KRT76: variants seen among roughly 807,000 people sequenced by gnomAD.
KRT76 encodes keratin, type II cytoskeletal 2 oral.
KRT76 carries 47 observed loss-of-function variants against 44.9 expected under a neutral mutation model. That is an observed-to-expected ratio of 1.05 (90% confidence interval 0.83 to 1.33). The LOEUF (loss-of-function observed/expected upper bound fraction) is 1.33. Among genes scored for constraint, KRT76 ranks in the 40% most tolerant of loss-of-function variants. The pLI is 0.00. For missense variants in KRT76, 860 were observed against 775.8 expected (o/e 1.11, Z -1.29); for synonymous variants, 331 against 294.1 (o/e 1.13, Z -1.28).
chr12:52,769,206 C>T (rs1939142047), intron 8 of KRT76, 96 bp from the exon 9 acceptor site: 4 of 618,908 alleles, frequency 6.5e-6, no homozygotes, highest in South Asian at 3.9e-5. Context: ...CATGTGACTT[C>T]GAGAAAGATG....
chr12:52,773,470 A>G lies in KRT76; in HGVS notation c.876+112T>C, dbSNP rs76112507. 171 of 677,776 alleles carry G rather than the reference A, an allele frequency of 2.5e-4. 2 individuals carry two copies. The African/African-American group carries it at 2.9e-3, about 11-fold the overall frequency. 42.0% of individuals were successfully genotyped at this position (677,776 alleles called of 1,614,324 possible). On this transcript the variant is annotated intron_variant, in intron 3 of 8. Transcript: ENST00000332411. ...TCCAAAAATGTAAGGAAAAGTGTCA[A>G]TCCCACACACAATATAAGGTCCCTG...
At position 52,772,200 on chromosome 12, in the gene KRT76, T is replaced by C; in HGVS notation, c.1031A>G (p.Asn344Ser). Residue 344 changes from asparagine to serine, a missense_variant, in exon 5 of 9, where the codon AAC becomes AGC. Coordinates refer to ENST00000332411, the MANE Select transcript of KRT76 (RefSeq NM_015848.4). Reference sequence around the variant, plus strand: ...GCTGCCCAGGTCCAGGCAGCGGTTGTTGTCCATGGACAGAACCACAGACGT... The same window carrying C: ...GCTGCCCAGGTCCAGGCAGCGGTTGCTGTCCATGGACAGAACCACAGACGT... ...SDTSVVLSMDNNRCLDLGSII... is the reference protein window; with the variant it reads ...SDTSVVLSMDSNRCLDLGSII... The C allele has an allele frequency of 3.1e-6, 5 of 1,613,432 alleles. No individual in the cohort carries two copies. The highest frequency in any genetic ancestry group is 4.2e-6 in the Non-Finnish European group (5 of 1,179,590).
At position 52,776,742 on chromosome 12, in the gene KRT76, G is replaced by T; in HGVS notation, c.550C>A (p.Arg184=). The T allele has an allele frequency of 6.2e-7, 1 of 1,614,094 alleles. No homozygotes were observed. The highest frequency in any genetic ancestry group is 8.5e-7 in the Non-Finnish European group (1 of 1,180,036). Residue 184 remains arginine, a synonymous_variant, in exon 1 of 9, where the codon CGG becomes AGG. Transcript: ENST00000332411. ...PQIGQVKAQE[R]EQIKTLNNKF... Reference sequence around the variant, plus strand: ...TTGTTGAGGGTCTTGATCTGTTCCCGCTCCTGGGCCTTTACTTGCCCAATC... The same window carrying T: ...TTGTTGAGGGTCTTGATCTGTTCCCTCTCCTGGGCCTTTACTTGCCCAATC...
intron 6 of KRT76, among the ~76,000 whole-genome samples, chr12:52,771,511 T>C (rs1439802095): frequency 6.6e-6 from 1 of 152,186 alleles, no homozygotes; most frequent in Non-Finnish European, 1.5e-5. Flanking sequence ...TTAAAAACTC[T>C]CTTGCCTAAT....
chr12:52,773,779 G>C (rs1939221875), intron 2 of KRT76, 137 bp from the exon 3 acceptor site: 1 of 549,496 alleles, frequency 1.8e-6, no homozygotes, highest in Admixed American at 3.0e-5. Flanking sequence ...CAGGACCCTG[G>C]GCTCAGGGTC....
chr12:52,776,429 C>G (rs1438686352), intron 1 of KRT76, among the ~76,000 whole-genome samples: 5 of 152,332 alleles, frequency 3.3e-5, no homozygotes, highest in Middle Eastern at 6.8e-3. Flanking sequence ...AAGCTAAGAG[C>G]ATGTTTGGAC....
Position 52,775,552 on chromosome 12 carries a change from C to A in KRT76, c.651G>T (p.Leu217=), listed in dbSNP as rs1325348295. ...QNKVLETKWE[L]LQQQTTGSGP... ...CTGAGCCTGTGGTCTGCTGCTGGAG[C>A]AGTTCCCACTTGGTCTCCAGGACCT... is the stretch of plus-strand genomic sequence containing the variant. Residue 217 remains leucine, a synonymous_variant, in exon 2 of 9, where the codon CTG becomes CTT. Coordinates refer to ENST00000332411, the MANE Select transcript of KRT76 (RefSeq NM_015848.4). 13 of 1,613,778 alleles carry A rather than the reference C, an allele frequency of 8.1e-6. No homozygotes were observed. The highest frequency in any genetic ancestry group is 5.0e-5 in the Admixed American group (3 of 60,014).
chr12:52,777,130 G>A lies in KRT76; in HGVS notation c.162C>T (p.Gly54=). Residue 54 remains glycine, a synonymous_variant, in exon 1 of 9, where the codon GGC becomes GGT. Coordinates refer to ENST00000332411, the MANE Select transcript of KRT76 (RefSeq NM_015848.4). ...CGFRSGAGSF[G]SRSLYNLGSN... is the part of the protein sequence containing the mutation. ...TGCCCAGGTTGTAGAGGCTGCGACT[G>A]CCAAAGCTGCCTGCTCCGCTCCTGA... is the stretch of plus-strand genomic sequence containing the variant. 6.2e-7 allele frequency: 1 copy of A among 1,614,184 alleles called. No homozygotes were observed. The highest frequency in any genetic ancestry group is 8.5e-7 in the Non-Finnish European group (1 of 1,180,040).
chr12:52,773,408 T>C (rs1307057900), intron 3 of KRT76, among the ~76,000 whole-genome samples, 174 bp downstream of exon 3: 2 of 152,162 alleles, frequency 1.3e-5, no homozygotes, highest in East Asian at 3.9e-4. Flanking sequence ...TCCATGGTAA[T>C]ATACTTAGAG....
At position 52,769,154 on chromosome 12, in the gene KRT76, A is replaced by G. The variant is rs1451535131; in HGVS notation, c.1520-44T>C. 7.6e-6 allele frequency: 5 copies of G among 661,554 alleles called. No homozygotes were observed. The South Asian group carries it at 8.6e-5, about 11-fold the overall frequency. 41.0% of individuals were successfully genotyped at this position (661,554 alleles called of 1,614,324 possible). A position where few individuals can be genotyped will look rare whatever the true frequency, so the allele number is the denominator to read the frequency against. Reference sequence around the variant, plus strand: ...ACAATTCAGGCAAAGGGCCTGGGAAACTGGAAGCCAAGGACTGTATTACAT... The same window carrying G: ...ACAATTCAGGCAAAGGGCCTGGGAAGCTGGAAGCCAAGGACTGTATTACAT... On this transcript the variant is annotated intron_variant, in intron 8 of 8. Transcript: ENST00000332411.
intron 7 of KRT76, among the ~76,000 whole-genome samples, chr12:52,770,291 G>T (rs774285409): frequency 6.6e-6 from 1 of 152,168 alleles, no homozygotes; most frequent in African/African-American, 2.4e-5. Flanking sequence ...TCCTCCATCA[G>T]ATTGGGAGCT....
chr12:52,769,462 C>G (rs954976406), intron 8 of KRT76, 87 bp downstream of exon 8: 2 of 1,141,710 alleles, frequency 1.8e-6, no homozygotes, highest in Non-Finnish European at 2.7e-6. Context: ...ATGGAACAGG[C>G]CTTCTTGCCT....
chr12:52,776,061 T>A (rs1349735788), intron 1 of KRT76, among the ~76,000 whole-genome samples: 1 of 152,134 alleles, frequency 6.6e-6, no homozygotes, highest in Non-Finnish European at 1.5e-5. Context: ...ATAAAGGCAG[T>A]GAATACAGTC....
Position 52,768,727 on chromosome 12 carries a change from TA to T in KRT76, c.1902del (p.His634GlnfsTer23). 1 of 1,595,176 alleles carries T rather than the reference TA, an allele frequency of 6.3e-7. No individual in the cohort carries two copies. The highest frequency in any genetic ancestry group is 8.6e-7 in the Non-Finnish European group (1 of 1,164,996). On this transcript the variant is annotated frameshift_variant, in exon 9 of 9. Transcript: ENST00000332411. LOFTEE classifies it high-confidence loss of function. ...RFSQTTSSSQ[H>X]SSTK is the part of the protein sequence containing the mutation. ...GGAACAGTAGATCACTTGGTGGAGC[TA>T]TGCTGGCTTGAGCTCGTGGTCTGGG... is the stretch of plus-strand genomic sequence containing the variant.
At position 52,776,705 on chromosome 12, in the gene KRT76, G is replaced by A. The variant is rs138159446; in HGVS notation, c.587C>T (p.Ser196Phe). 6.6e-4 allele frequency: 1,073 copies of A among 1,614,106 alleles called. 1 individual carries two copies. The highest frequency in any genetic ancestry group is 8.0e-4 in the Non-Finnish European group (941 of 1,180,024). ...CCTTGCCCTCACCTTGTCGATGAAG[G>A]AGGCAAACTTGTTGTTGAGGGTCTT... The part of the protein sequence containing the change: ...QIKTLNNKFA[S>F]FIDKVRFLEQ... The change falls in exon 1 of 9, where the codon TCC becomes TTC. Residue 196 changes from serine to phenylalanine, a missense_variant. Physicochemically the swap from Ser to Phe is radical, Grantham distance 155. Coordinates refer to ENST00000332411, the MANE Select transcript of KRT76 (RefSeq NM_015848.4).
At position 52,771,147 on chromosome 12, in the gene KRT76, T is replaced by C. The variant is rs1204697942; in HGVS notation, c.1336A>G (p.Lys446Glu). 6.2e-7 allele frequency: 1 copy of C among 1,614,064 alleles called. No individual in the cohort carries two copies. The highest frequency in any genetic ancestry group is 2.2e-5 in the East Asian group (1 of 44,886). The change falls in exon 7 of 9, where the codon AAG (lysine) becomes GAG (glutamate). Residue 446 changes from lysine to glutamate, a missense_variant. By Grantham distance (56) the Lys-to-Glu change is moderately conservative. Coordinates refer to ENST00000332411, the MANE Select transcript of KRT76 (RefSeq NM_015848.4). ...AGGGCAGTCTGCAAGTCTTGGAGCT[T>C]GGCATTGGCGTCCTTGAGGGCCATC... Reference protein sequence around the residue: ...GEMALKDANAKLQDLQTALQK... With the variant: ...GEMALKDANAELQDLQTALQK...
Position 52,769,562 on chromosome 12 carries a change from A to C in KRT76, c.1506T>G (p.Ser502Arg). The stretch of plus-strand genomic sequence containing the variant: ...TGGGCTACTTACAAATGCACACGGC[A>C]CTCTGACATTCTCCAGACATCCTGA... The part of the protein sequence containing the change: ...EECRMSGECQ[S>R]AVCISVVSNV... The change falls in exon 8 of 9, where the codon AGT becomes AGG. Residue 502 changes from serine (S) to arginine (R), a missense_variant. Ser to Arg is a moderately radical substitution (Grantham distance 110, BLOSUM62 -1). Coordinates refer to ENST00000332411, the MANE Select transcript of KRT76 (RefSeq NM_015848.4). 1 of 1,613,918 alleles carries C rather than the reference A, an allele frequency of 6.2e-7. No homozygotes were observed. The highest frequency in any genetic ancestry group is 8.5e-7 in the Non-Finnish European group (1 of 1,179,814).
rs757116734 is a variant in KRT76 at position 52,776,843 on chromosome 12, C to T, written c.449G>A (p.Gly150Asp). The change falls in exon 1 of 9, where the codon GGC becomes GAC. Residue 150 changes from glycine (G) to aspartate (D), a missense_variant. Coordinates refer to ENST00000332411, the MANE Select transcript of KRT76 (RefSeq NM_015848.4). ...CACTTCCTGAATTCCCCCAGGAAAG[C>T]CCCCAGGGCCAAAGCCACCAGGACC... is the stretch of plus-strand genomic sequence containing the variant. ...FGGPGGFGPG[G>D]FPGGIQEVIV... 6.2e-7 allele frequency: 1 copy of T among 1,613,746 alleles called. No individual in the cohort carries two copies. The highest frequency in any genetic ancestry group is 1.1e-5 in the South Asian group (1 of 91,052).
At chr12:52,771,730 A>G (rs1939183915) in intron 6 of KRT76, 141 bp downstream of exon 6, 3 of 1,032,138 alleles carry the variant, frequency 2.9e-6, no homozygotes, top group South Asian at 4.0e-5. Flanking sequence ...CTGGGAGAAC[A>G]GAGTTTCCCA....
Sources: gnomAD v4.1 joint callset for allele counts (sites outside exome capture counted in the v4.1 genomes callset) on GRCh38, gnomAD v4.1.1 for gene constraint, MANE v1.5 for transcripts, NCBI Gene and HGNC (gene_info 2026-07-23, HGNC 2026-07-21) for gene names.